The following EPHA6 variants were observed in gnomAD, a reference collection of about 807,000 sequenced individuals.
EPHA6 encodes ephrin type-A receptor 6.
EPHA6 carries 50 observed loss-of-function variants against 112.0 expected under a neutral mutation model. The ratio of observed to expected loss-of-function variants is 0.45; its 90% confidence interval spans 0.36 to 0.56. EPHA6 has a LOEUF of 0.56. Ranked by LOEUF, EPHA6 falls within the 20% of genes least tolerant of loss-of-function variation. The pLI is 0.00. For synonymous variants in EPHA6, 529 were observed against 490.7 expected (o/e 1.08, Z -1.03); for missense variants, 1,280 against 1,417.4 (o/e 0.90, Z 1.56).
In EPHA6 at chr3:97,229,573, T is replaced by C. The variant is rs1373632855; in HGVS notation, c.1270+3154T>C. On this transcript the variant is annotated intron_variant, in intron 4 of 17. Transcript: ENST00000389672. Reference sequence around the variant, plus strand: ...AACATTTGCCCTTCCTGGTGATGAATTGGTACCAAAATTTTGCTTATTTTA... The same window carrying C: ...AACATTTGCCCTTCCTGGTGATGAACTGGTACCAAAATTTTGCTTATTTTA... 2.0e-5 allele frequency among the ~76,000 whole-genome samples: 3 copies of C among 152,148 alleles called. No homozygotes were observed. The East Asian group carries it at 5.8e-4, about 29-fold the overall frequency.
At chr3:96,854,405 G>A (rs906651415) in intron 1 of EPHA6, among the ~76,000 whole-genome samples, 29 of 151,484 alleles carry the variant, frequency 1.9e-4, no homozygotes, top group Non-Finnish European at 8.8e-5. Context: ...GTCTCAATCC[G>A]TTGACTTTAT....
chr3:96,992,200 C>T (rs756296089), intron 3 of EPHA6, among the ~76,000 whole-genome samples: 1 of 152,122 alleles, frequency 6.6e-6, no homozygotes, highest in Non-Finnish European at 1.5e-5. Context: ...AGGATTATTG[C>T]CAATTGCTCA....
chr3:97,369,015 A>G (rs2084899181), intron 5 of EPHA6, among the ~76,000 whole-genome samples: 1 of 152,208 alleles, frequency 6.6e-6, no homozygotes, highest in Non-Finnish European at 1.5e-5. Flanking sequence ...AAGAATGAGA[A>G]TAAACCGGCC....
intron 6 of EPHA6, among the ~76,000 whole-genome samples, chr3:97,435,731 T>C (rs538331137): frequency 1.3e-5 from 2 of 152,336 alleles, no homozygotes; most frequent in Admixed American, 6.5e-5. Flanking sequence ...ATTTAACTTA[T>C]GGCTTCATCC....
intron 14 of EPHA6, among the ~76,000 whole-genome samples, chr3:97,654,984 C>G (rs2094129183): frequency 6.6e-6 from 1 of 151,240 alleles, no homozygotes. Context: ...CAACCCTAGA[C>G]AGGAAATGAT....
intron 5 of EPHA6, among the ~76,000 whole-genome samples, chr3:97,364,364 T>A (rs1375069202): frequency 6.6e-6 from 1 of 151,548 alleles, no homozygotes; most frequent in African/African-American, 2.4e-5. Context: ...TTTTTTACAT[T>A]TGACATAAAC....
chr3:97,346,925 A>G (rs2083562023), intron 5 of EPHA6, among the ~76,000 whole-genome samples: 1 of 152,140 alleles, frequency 6.6e-6, no homozygotes, highest in Admixed American at 6.6e-5. Context: ...TGCCTGACAC[A>G]TAAAATGACT....
intron 8 of EPHA6, among the ~76,000 whole-genome samples, chr3:97,478,952 T>A (rs533804966): frequency 6.6e-6 from 1 of 152,268 alleles, no homozygotes; most frequent in East Asian, 1.9e-4. Flanking sequence ...TTGTATACAT[T>A]TCTGAAATTC....
intron 12 of EPHA6, among the ~76,000 whole-genome samples, chr3:97,594,122 A>G (rs1225995809): frequency 1.3e-5 from 2 of 152,216 alleles, no homozygotes; most frequent in African/African-American, 4.8e-5. Flanking sequence ...TGTAGAGTTT[A>G]ATGGCCTCAC....
chr3:97,496,718 A>G (rs1355294605), intron 10 of EPHA6, among the ~76,000 whole-genome samples: 4 of 151,836 alleles, frequency 2.6e-5, no homozygotes, highest in African/African-American at 9.7e-5. Flanking sequence ...TTCCAACTCT[A>G]TGACGTATAG....
chr3:97,401,083 G>C (rs2086964905), intron 5 of EPHA6, among the ~76,000 whole-genome samples: 3 of 151,670 alleles, frequency 2.0e-5, no homozygotes, highest in Admixed American at 6.6e-5. Flanking sequence ...TTGTGCTAAG[G>C]TACATTCCTT....
At chr3:96,883,803 G>T (rs1407057754) in intron 2 of EPHA6, among the ~76,000 whole-genome samples, 5 of 152,070 alleles carry the variant, frequency 3.3e-5, no homozygotes, top group Non-Finnish European at 7.4e-5. Context: ...AAGCAGCTGA[G>T]ATTACAGGTA....
chr3:97,594,577 G>A (rs2093571294), intron 12 of EPHA6, among the ~76,000 whole-genome samples: 1 of 151,982 alleles, frequency 6.6e-6, no homozygotes, highest in African/African-American at 2.4e-5. Flanking sequence ...GATACTTTTT[G>A]GTAATGACTG....
chr3:97,703,919 C>CAT (rs576674868), intron 14 of EPHA6, among the ~76,000 whole-genome samples: 27 of 151,566 alleles, frequency 1.8e-4, no homozygotes, highest in Middle Eastern at 3.4e-3. Flanking sequence ...ATTCCCAGTA[C>CAT]ATATATATAT....
intron 2 of EPHA6, among the ~76,000 whole-genome samples, chr3:96,965,303 G>T (rs73131567): frequency 6.6e-6 from 1 of 152,116 alleles, no homozygotes; most frequent in Admixed American, 6.6e-5. Flanking sequence ...CTTTAACACC[G>T]TATAAGGCTT....
intron 3 of EPHA6, among the ~76,000 whole-genome samples, chr3:97,203,598 T>G (rs77359074): frequency 0.028 from 4,212 of 152,088 alleles, 192 homozygotes; most frequent in African/African-American, 0.094. Context: ...TAATGAAATA[T>G]TTAAGGGACA....
At chr3:96,835,013 TGAACTAA>T (rs1237395066) in intron 1 of EPHA6, among the ~76,000 whole-genome samples, 2 of 152,074 alleles carry the variant, frequency 1.3e-5, no homozygotes, top group Non-Finnish European at 2.9e-5. Flanking sequence ...TCATCACATC[TGAACTAA>T]GAAATAGTTC....
chr3:97,414,362 C>T (rs976108804), intron 6 of EPHA6, among the ~76,000 whole-genome samples: 2 of 151,986 alleles, frequency 1.3e-5, no homozygotes, highest in African/African-American at 4.8e-5. Flanking sequence ...CAGTACACCT[C>T]TTTAGAAAGG....
chr3:97,068,383 A>G (rs1022269273), intron 3 of EPHA6, among the ~76,000 whole-genome samples: 33 of 151,982 alleles, frequency 2.2e-4, no homozygotes, highest in African/African-American at 7.7e-4. Flanking sequence ...ATGAAAGGAA[A>G]CTTAAGCGCC....
Sources: allele counts gnomAD v4.1 joint callset (sites outside exome capture counted in the v4.1 genomes callset), GRCh38; gene constraint gnomAD v4.1.1; transcripts MANE v1.5; gene names NCBI Gene and HGNC (gene_info 2026-07-23, HGNC 2026-07-21).